Variants in SEC63 observed in about 807,000 individuals in gnomAD.
SEC63 encodes the protein translocation protein SEC63 homolog.
In SEC63, 56 loss-of-function variants were observed where a neutral mutation model predicts 116.2. The observed-to-expected ratio is 0.48, with a 90% CI of 0.39 to 0.60. The LOEUF (loss-of-function observed/expected upper bound fraction) is 0.60. Ranked by LOEUF, SEC63 falls within the 20% of genes least tolerant of loss-of-function variation. SEC63 has a pLI of 0.00. For synonymous variants in SEC63, 273 were observed against 294.6 expected (o/e 0.93, Z 0.75); for missense variants, 668 against 900.0 (o/e 0.74, Z 3.30).
In SEC63 at chr6:107,911,345, C is replaced by A; in HGVS notation, c.624+1G>T. On this transcript the variant is annotated splice_donor_variant, in intron 7 of 20. Coordinates refer to ENST00000369002, the MANE Select transcript of SEC63 (RefSeq NM_007214.5). LOFTEE classifies it high-confidence loss of function. ...CATTAACTTAAAAAGCTAAAACTTA[C>A]CACAACAACTGGAAGGATAACCATA... 1 of 1,602,408 alleles carries A rather than the reference C, an allele frequency of 6.2e-7. No homozygotes were observed. The highest frequency in any genetic ancestry group is 8.5e-7 in the Non-Finnish European group (1 of 1,169,982).
chr6:107,941,979 A>C (rs1770387720), intron 1 of SEC63, among the ~76,000 whole-genome samples: 1 of 152,372 alleles, frequency 6.6e-6, no homozygotes, highest in South Asian at 2.1e-4. Flanking sequence ...TTAAGGTCGC[A>C]TTAGCAGTAA....
At chr6:107,949,057 A>C (rs1770530371) in intron 1 of SEC63, among the ~76,000 whole-genome samples, 1 of 152,214 alleles carries the variant, frequency 6.6e-6, no homozygotes, top group Non-Finnish European at 1.5e-5. Flanking sequence ...TTTTTCAGCC[A>C]ATCTTCAGAG....
intron 2 of SEC63, 65 bp from the exon 3 acceptor site, chr6:107,924,997 G>GCA: frequency 2.0e-6 from 2 of 975,640 alleles, no homozygotes; most frequent in Non-Finnish European, 3.3e-6. Context: ...AAGACATTAT[G>GCA]GCAAGGTCAA....
intron 4 of SEC63, among the ~76,000 whole-genome samples, chr6:107,916,692 A>G (rs910662929): frequency 2.0e-5 from 3 of 150,676 alleles, no homozygotes; most frequent in African/African-American, 7.3e-5. Flanking sequence ...CAATATATCT[A>G]ATGTTTTCAC....
In SEC63 at chr6:107,892,739, C is replaced by A. The variant is rs558911378; in HGVS notation, c.1674+743G>T. On this transcript the variant is annotated intron_variant, in intron 16 of 20. Coordinates refer to ENST00000369002, the MANE Select transcript of SEC63 (RefSeq NM_007214.5). ...GCCAGCAAGCATATGAAACGGTGTT[C>A]AACATCATTAGCCATTAGGTAAATG... 7.2e-4 allele frequency among the ~76,000 whole-genome samples: 110 copies of A among 152,194 alleles called. 1 individual carries two copies. The highest frequency in any genetic ancestry group is 2.6e-3 in the African/African-American group (108 of 41,528).
chr6:107,915,077 G>A (rs1583752521), intron 4 of SEC63, among the ~76,000 whole-genome samples: 1 of 152,152 alleles, frequency 6.6e-6, no homozygotes, highest in African/African-American at 2.4e-5. Context: ...TAGCATTTCA[G>A]TATAATACCA....
rs140328251 is a variant in SEC63, at chr6:107,904,533, A to G, written c.1054+96T>C. ...GAAGAAGCTCACTGAACTGGCCGAC[A>G]GAAGTCTGAGTACCCATAAATCCTA... On this transcript the variant is annotated intron_variant, in intron 11 of 20. Transcript: ENST00000369002. 2.5e-3 allele frequency: 2,248 copies of G among 895,466 alleles called. 36 individuals are homozygous for G. In the Admixed American group the frequency reaches 0.029, roughly 11 times the overall value. 55.5% of individuals were successfully genotyped at this position (895,466 alleles called of 1,614,324 possible). A position where few individuals can be genotyped will look rare whatever the true frequency, so the allele number is the denominator to read the frequency against.
At chr6:107,918,396 A>T (rs1676701785) in intron 4 of SEC63, among the ~76,000 whole-genome samples, 1 of 152,218 alleles carries the variant, frequency 6.6e-6, no homozygotes, top group Admixed American at 6.5e-5. Flanking sequence ...TCAAAAAGTA[A>T]TTTTGACTTT....
rs1787554041 is a variant in SEC63 at position 107,921,460 on chromosome 6, T to A, written c.452+337A>T. Reference sequence around the variant, plus strand: ...TTAAAACAGAAAACTATCCTTTTTTTTTTTTTCTTTAGAGATGGAGTATTA... The same window carrying A: ...TTAAAACAGAAAACTATCCTTTTTTATTTTTTCTTTAGAGATGGAGTATTA... On this transcript the variant is annotated intron_variant, in intron 4 of 20. Transcript: ENST00000369002. Among the ~76,000 whole-genome samples, 3 of 152,104 alleles carry A rather than the reference T, an allele frequency of 2.0e-5. No individual in the cohort carries two copies. In the South Asian group the frequency reaches 6.2e-4, roughly 32 times the overall value.
intron 1 of SEC63, among the ~76,000 whole-genome samples, chr6:107,936,386 C>A (rs895831729): frequency 1.3e-5 from 2 of 152,164 alleles, no homozygotes; most frequent in Non-Finnish European, 2.9e-5. Context: ...TATGAATGAC[C>A]TCAAGTCAAA....
At chr6:107,954,217 T>C (rs1432488111) in intron 1 of SEC63, among the ~76,000 whole-genome samples, 1 of 151,958 alleles carries the variant, frequency 6.6e-6, no homozygotes, top group Non-Finnish European at 1.5e-5. Context: ...CAGGGTTAAA[T>C]GGATTAAGGG....
At position 107,888,076 on chromosome 6, in the gene SEC63, G is replaced by T. The variant is rs183750183; in HGVS notation, c.1675-4930C>A. 8.5e-5 allele frequency among the ~76,000 whole-genome samples: 13 copies of T among 152,234 alleles called. No homozygotes were observed. The East Asian group carries it at 2.5e-3, about 29-fold the overall frequency. The stretch of plus-strand genomic sequence containing the variant: ...GCTTAAGATTGTCTTGGCTATGCGG[G>T]CTCTTTTTTGGTTCCATATGAAATT... On this transcript the variant is annotated intron_variant, in intron 16 of 20. Transcript: ENST00000369002.
At chr6:107,891,457 G>C (rs1305736769) in intron 16 of SEC63, among the ~76,000 whole-genome samples, 1 of 151,816 alleles carries the variant, frequency 6.6e-6, no homozygotes, top group Non-Finnish European at 1.5e-5. Context: ...ATTCTAGTTA[G>C]CAATTCGTCT....
rs761877359 is a variant in SEC63, at chr6:107,906,578, T to C, written c.831A>G (p.Leu277=). 6.2e-7 allele frequency: 1 copy of C among 1,612,274 alleles called. No individual in the cohort carries two copies. The highest frequency in any genetic ancestry group is 8.5e-7 in the Non-Finnish European group (1 of 1,178,490). ...RPTDNILIPQ[L]IREIGSINLK... ...AATTAATGCTGCCAATTTCTCTGAT[T>C]AGCTAGAATAAATAAAATAATTATT... Residue 277 remains leucine (L), a splice_region_variant and synonymous_variant, in exon 10 of 21, where the codon CTA becomes CTG. Transcript: ENST00000369002.
chr6:107,911,746 A>G (rs1787289035), intron 6 of SEC63, among the ~76,000 whole-genome samples: 1 of 152,204 alleles, frequency 6.6e-6, no homozygotes, highest in Non-Finnish European at 1.5e-5. Context: ...ACAGATTAAC[A>G]CCAGCAAAAC....
chr6:107,874,454 G>GGC (rs1562311433), intron 19 of SEC63, among the ~76,000 whole-genome samples: 30 of 151,982 alleles, frequency 2.0e-4, no homozygotes, highest in East Asian at 9.7e-4. Flanking sequence ...AAATTAGCTG[G>GGC]GTGCAGTGGC....
In SEC63 at chr6:107,871,851, G is replaced by C. The variant is rs751616497; in HGVS notation, c.2140-4C>G. On this transcript the variant is annotated splice_region_variant and splice_polypyrimidine_tract_variant and intron_variant, in intron 20 of 20. Transcript: ENST00000369002. ...GCTTAGCCTCATGAACTTCCAACTA[G>C]AAAGAAGAATTAAATGTAGACATCA... The C allele has an allele frequency of 1.2e-6, 2 of 1,613,204 alleles. No individual in the cohort carries two copies. The highest frequency in any genetic ancestry group is 2.2e-5 in the South Asian group (2 of 91,072).
intron 1 of SEC63, among the ~76,000 whole-genome samples, chr6:107,953,744 T>TG (rs1770633562): frequency 9.7e-6 from 1 of 102,666 alleles, no homozygotes; most frequent in South Asian, 3.4e-4. Flanking sequence ...GGGAGGGAGG[T>TG]GGGGGGTTCA....
chr6:107,927,609 T>C (rs1787704330), intron 2 of SEC63, among the ~76,000 whole-genome samples: 2 of 152,190 alleles, frequency 1.3e-5, no homozygotes, highest in Non-Finnish European at 1.5e-5. Context: ...AAAAGCTTCA[T>C]AAAAGTTTTT....
Sources: gnomAD v4.1 joint callset for allele counts (sites outside exome capture counted in the v4.1 genomes callset) on GRCh38, gnomAD v4.1.1 for gene constraint, MANE v1.5 for transcripts, NCBI Gene and HGNC (gene_info 2026-07-23, HGNC 2026-07-21) for gene names.